Variants in FBXO43 observed in about 807,000 individuals in gnomAD.
FBXO43 encodes the protein F-box only protein 43.
In FBXO43, 22 loss-of-function variants were observed where a neutral mutation model predicts 56.7. The ratio of observed to expected loss-of-function variants is 0.39; its 90% confidence interval spans 0.28 to 0.55. FBXO43 has a LOEUF of 0.55. Among genes scored for constraint, FBXO43 ranks in the 20% least tolerant of loss-of-function variants. FBXO43 has a pLI of 0.66. For missense variants in FBXO43, 733 were observed against 814.9 expected (o/e 0.90, Z 1.22); for synonymous variants, 306 against 294.5 (o/e 1.04, Z -0.40).
intron 1 of FBXO43, among the ~76,000 whole-genome samples, chr8:100,143,419 A>G (rs1377377364): frequency 1.3e-5 from 2 of 152,222 alleles, no homozygotes; most frequent in African/African-American, 4.8e-5. Flanking sequence ...ATATTTCTTT[A>G]TGGTTTGATG....
At chr8:100,140,399 G>A (rs1814600010) in intron 2 of FBXO43, among the ~76,000 whole-genome samples, 1 of 152,170 alleles carries the variant, frequency 6.6e-6, no homozygotes, top group South Asian at 2.1e-4. Flanking sequence ...GAACCCGGGA[G>A]GCGGAGCTTG....
chr8:100,148,908 CAG>C (rs1302287022), upstream of FBXO43, among the ~76,000 whole-genome samples: 10 of 152,102 alleles, frequency 6.6e-5, no homozygotes, highest in Admixed American at 2.0e-4. Flanking sequence ...AAAGGAAAGA[CAG>C]AGATTCAGGG....
At chr8:100,147,448 G>T (rs940523620), upstream of FBXO43, among the ~76,000 whole-genome samples, 3 of 152,262 alleles carry the variant, frequency 2.0e-5, no homozygotes, top group Non-Finnish European at 4.4e-5. Context: ...TGCAAGAGCA[G>T]TTGGGCACAT....
Position 100,141,915 on chromosome 8 carries a change from C to T in FBXO43, c.339G>A (p.Leu113=). 6.3e-7 allele frequency: 1 copy of T among 1,591,638 alleles called. No homozygotes were observed. Among genetic ancestry groups the T allele is most frequent in the Non-Finnish European group, 8.5e-7 (1 of 1,172,620 alleles). The change falls in exon 2 of 5, where the codon CTG becomes CTA. Residue 113 remains leucine, a synonymous_variant. Coordinates refer to ENST00000428847, the MANE Select transcript of FBXO43 (RefSeq NM_001029860.4). Reference sequence around the variant, plus strand: ...GAGATTCTAAAGGATGTGTTAAGCCCAGGCCTGAAGTTTCAGGGTGCTCAT... The same window carrying T: ...GAGATTCTAAAGGATGTGTTAAGCCTAGGCCTGAAGTTTCAGGGTGCTCAT... The part of the protein sequence containing the change: ...LLYEHPETSG[L]GLTHPLESPT...
upstream of FBXO43, among the ~76,000 whole-genome samples, chr8:100,148,958 A>T (rs28576993): frequency 0.024 from 3,641 of 152,312 alleles, 144 homozygotes; most frequent in African/African-American, 0.082. Context: ...CCTTCTTAAT[A>T]AAGAGTTAAA....
At chr8:100,142,635 T>C (rs1375903132) in intron 1 of FBXO43, among the ~76,000 whole-genome samples, 3 of 152,216 alleles carry the variant, frequency 2.0e-5, no homozygotes, top group Admixed American at 1.3e-4. Context: ...TAATGAGTGC[T>C]GCCTCTAGAT....
chr8:100,136,122 T>A (rs2132121472), intron 3 of FBXO43, among the ~76,000 whole-genome samples: 1 of 152,314 alleles, frequency 6.6e-6, no homozygotes, highest in Non-Finnish European at 1.5e-5. Flanking sequence ...GAAAAACAGA[T>A]GTTAAGAAGG....
At position 100,141,337 on chromosome 8, in the gene FBXO43, A is replaced by G. The variant is rs376577612; in HGVS notation, c.917T>C (p.Leu306Pro). ...TGCGTTAAATCTAATGTTTGCCACAAGATTACTTATCGGAGTCACAAATAT... is the reference window on the plus strand; with the variant it reads ...TGCGTTAAATCTAATGTTTGCCACAGGATTACTTATCGGAGTCACAAATAT... The part of the protein sequence containing the change: ...EDIFVTPISN[L>P]VANIRFNASQ... The change falls in exon 2 of 5, where the codon CTT (leucine) becomes CCT (proline). Residue 306 changes from leucine to proline, a missense_variant. By Grantham distance (98) the Leu-to-Pro change is moderately conservative. Coordinates refer to ENST00000428847, the MANE Select transcript of FBXO43 (RefSeq NM_001029860.4). 1.1e-4 allele frequency: 172 copies of G among 1,613,672 alleles called. 1 individual carries two copies. In the Middle Eastern group the frequency reaches 2.5e-3, roughly 23 times the overall value.
chr8:100,140,393 C>A (rs1035421802), intron 2 of FBXO43, among the ~76,000 whole-genome samples: 9 of 152,256 alleles, frequency 5.9e-5, no homozygotes, highest in African/African-American at 2.2e-4. Flanking sequence ...TGGCGTGAAC[C>A]CGGGAGGCGG....
At chr8:100,134,500 G>GAAA in intron 3 of FBXO43, 136 bp from the exon 4 acceptor site, 1 of 508,926 alleles carries the variant, frequency 2.0e-6, no homozygotes, top group South Asian at 7.8e-5. Flanking sequence ...TTCCTTTTCA[G>GAAA]AAAAAAAAAC....
Position 100,133,926 on chromosome 8 carries a change from C to T in FBXO43, c.2003G>A (p.Cys668Tyr), listed in dbSNP as rs767837364. 1.2e-6 allele frequency: 2 copies of T among 1,614,138 alleles called. No homozygotes were observed. Among genetic ancestry groups the T allele is most frequent in the Non-Finnish European group, 8.5e-7 (1 of 1,180,012 alleles). ...CSRTACGFDFCVLCLCAYHGS... is the reference protein window; with the variant it reads ...CSRTACGFDFYVLCLCAYHGS... ...ATGATAAGCACACAGACATAACACA[C>T]AAAAGTCAAAACCACAGGCTGTTCG... The change falls in exon 5 of 5, where the codon TGT becomes TAT. Residue 668 changes from cysteine to tyrosine, a missense_variant. By Grantham distance (194) the Cys-to-Tyr change is radical. Transcript: ENST00000428847.
upstream of FBXO43, among the ~76,000 whole-genome samples, chr8:100,145,998 G>T (rs1455842365): frequency 1.3e-5 from 2 of 152,218 alleles, no homozygotes; most frequent in Admixed American, 1.3e-4. Context: ...GGTCAGAAAG[G>T]CTCTGCTTCT....
Position 100,141,282 on chromosome 8 carries a change from C to G in FBXO43, c.972G>C (p.Val324=). ...CTTCAGGCGTTGAAATACTGCCTCT[C>G]ACTTCAGGTGAAGGAGAAAGTATTT... ...ASQILSPSPE[V]RGSISTPEDS... The change falls in exon 2 of 5, where the codon GTG becomes GTC. Residue 324 remains valine, a synonymous_variant. Coordinates refer to ENST00000428847, the MANE Select transcript of FBXO43 (RefSeq NM_001029860.4). 4 of 1,614,120 alleles carry G rather than the reference C, an allele frequency of 2.5e-6. No homozygotes were observed. The highest frequency in any genetic ancestry group is 3.4e-6 in the Non-Finnish European group (4 of 1,180,020).
At chr8:100,136,657 T>A (rs146187135) in intron 3 of FBXO43, among the ~76,000 whole-genome samples, 38 of 152,362 alleles carry the variant, frequency 2.5e-4, no homozygotes, top group Admixed American at 7.8e-4. Context: ...CATATGCTAC[T>A]TTCTCTGCTA....
At position 100,140,990 on chromosome 8, in the gene FBXO43, G is replaced by T; in HGVS notation, c.1264C>A (p.Leu422Met). 6.2e-7 allele frequency: 1 copy of T among 1,614,212 alleles called. No homozygotes were observed. The highest frequency in any genetic ancestry group is 8.5e-7 in the Non-Finnish European group (1 of 1,180,042). Residue 422 changes from leucine to methionine, a missense_variant, in exon 2 of 5, where the codon CTG (leucine) becomes ATG (methionine). Coordinates refer to ENST00000428847, the MANE Select transcript of FBXO43 (RefSeq NM_001029860.4). The part of the protein sequence containing the change: ...AAASAISEGQ[L>M]SSDESGDLTF... ...AAATCCCCACTCTCATCACTACTCA[G>T]CTGACCCTCTGAGATGGCAGAAGCA...
intron 1 of FBXO43, among the ~76,000 whole-genome samples, chr8:100,144,724 G>T (rs1395475267): frequency 1.3e-5 from 2 of 151,550 alleles, no homozygotes; most frequent in African/African-American, 2.4e-5. Flanking sequence ...GAGGTCAGGA[G>T]AGCGAGACCA....
intron 1 of FBXO43, among the ~76,000 whole-genome samples, chr8:100,144,849 G>T (rs1814774348): frequency 6.6e-6 from 1 of 150,700 alleles, no homozygotes; most frequent in Admixed American, 6.6e-5. Flanking sequence ...GGAGAATGGC[G>T]TGAACCCGGG....
At chr8:100,149,799 A>G (rs1814886407), upstream of FBXO43, among the ~76,000 whole-genome samples, 1 of 152,230 alleles carries the variant, frequency 6.6e-6, no homozygotes, top group African/African-American at 2.4e-5. Flanking sequence ...ACTAACTTTA[A>G]AATAGTTATT....
At chr8:100,144,911 G>C (rs1284779097) in intron 1 of FBXO43, 140 bp downstream of exon 1, 7 of 1,036,498 alleles carry the variant, frequency 6.8e-6, no homozygotes, top group African/African-American at 1.8e-5. Context: ...CAGCCTGGGC[G>C]ACAGAGCGAC....
Sources: allele counts gnomAD v4.1 joint callset (sites outside exome capture counted in the v4.1 genomes callset), GRCh38; gene constraint gnomAD v4.1.1; transcripts MANE v1.5; gene names NCBI Gene and HGNC (gene_info 2026-07-23, HGNC 2026-07-21).